Variants in USP47 observed in about 807,000 individuals in gnomAD.
USP47 encodes the protein ubiquitin specific peptidase 47, also known as ubiquitin carboxyl-terminal hydrolase 47.
In USP47, 35 loss-of-function variants were observed where a neutral mutation model predicts 165.1. That is an observed-to-expected ratio of 0.21 (90% CI 0.16 to 0.28). USP47 has a LOEUF of 0.28. USP47 is among the 10% of genes least tolerant of loss of function. The probability of loss-of-function intolerance (pLI) is 1.00; values close to 1 mark genes in which losing one functional copy is unlikely to be tolerated. For missense variants in USP47, 1,277 were observed against 1,607.4 expected, an observed-to-expected ratio of 0.79 and a Z score of 3.52; for synonymous variants, 531 against 544.5, an observed-to-expected ratio of 0.98 and a Z score of 0.35.
chr11:11,853,791 T>C (rs1420784666), intron 1 of USP47, among the ~76,000 whole-genome samples: 1 of 152,200 alleles, frequency 6.6e-6, no homozygotes, highest in South Asian at 2.1e-4. Flanking sequence ...TACTGAGATA[T>C]ATGTCTCAAG....
chr11:11,940,311 T>C, intron 18 of USP47, 118 bp from the exon 19 acceptor site: 1 of 1,065,092 alleles, frequency 9.4e-7, no homozygotes, highest in East Asian at 2.9e-5. Flanking sequence ...TCTACTAAAA[T>C]TATGTTTCTC....
chr11:11,951,595 C>T (rs1856230858), intron 24 of USP47: 1 of 151,994 alleles, frequency 6.6e-6, no homozygotes, highest in Non-Finnish European at 1.5e-5. Context: ...TTTAATTTTC[C>T]TTTTCTTCTG....
rs770293438 is a variant in USP47, at chr11:11,936,513, G to C, written c.2077+3G>C. 3 of 1,566,430 alleles carry C rather than the reference G, an allele frequency of 1.9e-6. No homozygotes were observed. Among genetic ancestry groups the C allele is most frequent in the Non-Finnish European group, 2.6e-6 (3 of 1,151,736 alleles). On this transcript the variant is annotated splice_donor_region_variant and intron_variant, in intron 17 of 27. Transcript: ENST00000527733. Reference sequence around the variant, plus strand: ...TTTCCAATCTTATAAACCTGGAGGTGAGCAATTTTACACTATTTTTAGTTG... The same window carrying C: ...TTTCCAATCTTATAAACCTGGAGGTCAGCAATTTTACACTATTTTTAGTTG...
chr11:11,878,899 A>T (rs1407279141), intron 1 of USP47, among the ~76,000 whole-genome samples: 1 of 152,176 alleles, frequency 6.6e-6, no homozygotes, highest in Non-Finnish European at 1.5e-5. Context: ...ATTCTTATTT[A>T]AAAATGGATA....
chr11:11,932,356 A>G (rs898170419), intron 14 of USP47, among the ~76,000 whole-genome samples: 4 of 152,132 alleles, frequency 2.6e-5, no homozygotes, highest in African/African-American at 7.2e-5. Context: ...TGTCCAAACT[A>G]TATCACATAA....
chr11:11,928,915 T>C (rs75716419), intron 11 of USP47, among the ~76,000 whole-genome samples: 3,301 of 152,098 alleles, frequency 0.022, 94 homozygotes, highest in East Asian at 0.083. Flanking sequence ...ATTGTAGATA[T>C]AGTATAATTC....
At position 11,956,726 on chromosome 11, in the gene USP47, G is replaced by A. The variant is rs969187045; in HGVS notation, c.*551G>A. ...ACCAGCCGTAACCCAGTAAGGAATT[G>A]TGAAGTTGTGTTTTTATTTTGTTTC... On this transcript the variant is annotated 3_prime_UTR_variant, in exon 28 of 28. Transcript: ENST00000527733. The A allele has an allele frequency of 1.3e-5, 2 of 152,726 alleles. No individual in the cohort carries two copies. Among genetic ancestry groups the A allele is most frequent in the Admixed American group, 1.3e-4 (2 of 15,280 alleles). 9.5% of individuals were successfully genotyped at this position (152,726 alleles called of 1,614,324 possible).
At chr11:11,902,606 G>A in intron 5 of USP47, 109 bp from the exon 6 acceptor site, 1 of 812,612 alleles carries the variant, frequency 1.2e-6, no homozygotes, top group Non-Finnish European at 1.7e-6. Flanking sequence ...TTCAAACTCT[G>A]TATAGCTTCC....
At chr11:11,933,734 A>G in intron 15 of USP47, 97 bp from the exon 16 acceptor site, 1 of 803,782 alleles carries the variant, frequency 1.2e-6, no homozygotes, top group Admixed American at 2.4e-5. Context: ...GTTCTTTTAA[A>G]AAATTGCAGT....
intron 14 of USP47, among the ~76,000 whole-genome samples, chr11:11,931,268 TTA>T (rs1854646202): frequency 1.3e-5 from 2 of 152,166 alleles, no homozygotes; most frequent in South Asian, 4.1e-4. Flanking sequence ...GTTTCAAGCA[TTA>T]TGTTTTTATT....
intron 19 of USP47, among the ~76,000 whole-genome samples, chr11:11,941,091 GATCATTT>G (rs1191064011): frequency 6.6e-6 from 1 of 151,768 alleles, no homozygotes; most frequent in Non-Finnish European, 1.5e-5. Flanking sequence ...TTATGTGTTT[GATCATTT>G]ATCATTTTTC....
chr11:11,869,989 G>A lies in USP47; in HGVS notation c.40-10188G>A, dbSNP rs151159336. 4.8e-3 allele frequency among the ~76,000 whole-genome samples: 736 copies of A among 151,956 alleles called. 5 individuals are homozygous for A. Among genetic ancestry groups the A allele is most frequent in the Non-Finnish European group, 6.4e-3 (434 of 67,956 alleles). ...AAAACAATTTCTGTGCTGGTAATTGGGGTATTTAGATCATTTATATTTGAT... is the reference window on the plus strand; with the variant it reads ...AAAACAATTTCTGTGCTGGTAATTGAGGTATTTAGATCATTTATATTTGAT... On this transcript the variant is annotated intron_variant, in intron 1 of 27. Coordinates refer to ENST00000527733, the MANE Select transcript of USP47 (RefSeq NM_001282659.2).
chr11:11,932,595 A>G (rs1394694935), intron 14 of USP47, among the ~76,000 whole-genome samples: 1 of 152,198 alleles, frequency 6.6e-6, no homozygotes, highest in Non-Finnish European at 1.5e-5. Context: ...TATGGGGTAG[A>G]TGATATTAAT....
intron 8 of USP47, among the ~76,000 whole-genome samples, chr11:11,905,984 T>C (rs1259013037): frequency 6.6e-6 from 1 of 152,156 alleles, no homozygotes; most frequent in Non-Finnish European, 1.5e-5. Context: ...AGTCCATATT[T>C]TTAAAAGAAG....
chr11:11,898,589 G>A (rs1319993038), intron 5 of USP47, among the ~76,000 whole-genome samples: 1 of 152,186 alleles, frequency 6.6e-6, no homozygotes, highest in African/African-American at 2.4e-5. Context: ...TTGGTGGATA[G>A]AGAGGGAATT....
intron 14 of USP47, among the ~76,000 whole-genome samples, chr11:11,931,891 TGA>T (rs1448050644): frequency 6.6e-6 from 1 of 152,202 alleles, no homozygotes; most frequent in African/African-American, 2.4e-5. Flanking sequence ...TGATTATATG[TGA>T]GTCTATAGTA....
At chr11:11,931,726 T>A (rs1428333634) in intron 14 of USP47, among the ~76,000 whole-genome samples, 1 of 152,186 alleles carries the variant, frequency 6.6e-6, no homozygotes, top group African/African-American at 2.4e-5. Flanking sequence ...TTTTACCTTT[T>A]ACGGACACAT....
chr11:11,936,921 G>A (rs1258965355), intron 17 of USP47, among the ~76,000 whole-genome samples: 1 of 151,864 alleles, frequency 6.6e-6, no homozygotes. Flanking sequence ...CAGAAGTAGA[G>A]GCTGTTTTTC....
chr11:11,905,350 A>T, intron 7 of USP47, 49 bp from the exon 8 acceptor site: 1 of 1,426,926 alleles, frequency 7.0e-7, no homozygotes, highest in Non-Finnish European at 9.5e-7. Flanking sequence ...TACATGTTTT[A>T]AAGGTTATTT....
Sources: gnomAD v4.1 joint callset for allele counts (sites outside exome capture counted in the v4.1 genomes callset) on GRCh38, gnomAD v4.1.1 for gene constraint, MANE v1.5 for transcripts, NCBI Gene and HGNC (gene_info 2026-07-23, HGNC 2026-07-21) for gene names.